SATL1: variants seen among roughly 807,000 people sequenced by gnomAD.
SATL1 encodes spermidine/spermine N1-acetyl transferase like 1, also known as spermidine/spermine N(1)-acetyltransferase-like protein 1.
In SATL1, 47 loss-of-function variants were observed where a neutral mutation model predicts 51.8. The observed-to-expected ratio is 0.91, with a 90% CI of 0.72 to 1.16. The LOEUF (loss-of-function observed/expected upper bound fraction) is 1.16. SATL1 is among the 50% of genes most tolerant of loss of function. The pLI is 0.00. For missense variants in SATL1, 520 were observed against 526.4 expected (o/e 0.99, Z 0.12); for synonymous variants, 176 against 182.4 (o/e 0.97, Z 0.28).
intron 2 of SATL1, among the ~76,000 whole-genome samples, chrX:85,129,777 G>A (rs1925731547): frequency 9.0e-6 from 1 of 111,560 alleles, no homozygotes. Flanking sequence ...GATATTAGCT[G>A]TGCGTTTGGC....
At chrX:85,168,368 T>G (rs1926893551) in intron 2 of SATL1, among the ~76,000 whole-genome samples, 1 of 111,481 alleles carries the variant, frequency 9.0e-6, no homozygotes, top group Admixed American at 9.6e-5. Context: ...TGATCCTATA[T>G]CTATAAAGTT....
chrX:85,094,051 T>C (rs1204245373), intron 6 of SATL1, 77 bp downstream of exon 6: 2 of 531,918 alleles, frequency 3.8e-6, no homozygotes, highest in Non-Finnish European at 6.5e-6. Flanking sequence ...GTATGTATAG[T>C]AAAGCCCTAT....
intron 2 of SATL1, among the ~76,000 whole-genome samples, chrX:85,128,560 T>C (rs1925690129): frequency 8.9e-6 from 1 of 112,350 alleles, no homozygotes; most frequent in Non-Finnish European, 1.9e-5. Flanking sequence ...CTTTGTCAGA[T>C]GAGTAGATTG....
chrX:85,101,702 C>A (rs1924897203), intron 4 of SATL1, among the ~76,000 whole-genome samples: 1 of 111,496 alleles, frequency 9.0e-6, no homozygotes, highest in Admixed American at 9.6e-5. Context: ...ATGAAAGCAG[C>A]AACTCAGACA....
chrX:85,172,268 T>C (rs1357395690), intron 2 of SATL1, among the ~76,000 whole-genome samples: 4 of 111,650 alleles, frequency 3.6e-5, no homozygotes, highest in East Asian at 5.6e-4. Flanking sequence ...TTCATTTACA[T>C]AGACATTTAT....
intron 2 of SATL1, among the ~76,000 whole-genome samples, chrX:85,172,631 C>T (rs1319427055): frequency 2.7e-5 from 3 of 111,040 alleles, no homozygotes; most frequent in Non-Finnish European, 3.8e-5. Context: ...CATATAGGCA[C>T]GTCTTATGCA....
intron 2 of SATL1, among the ~76,000 whole-genome samples, chrX:85,114,957 A>AT (rs1042648981): frequency 5.4e-5 from 6 of 111,697 alleles, no homozygotes; most frequent in Non-Finnish European, 9.4e-5. Context: ...TGAGTAGCCT[A>AT]TTTTTTAAAT....
At chrX:85,179,318 A>G (rs1007295887) in intron 2 of SATL1, among the ~76,000 whole-genome samples, 1 of 111,595 alleles carries the variant, frequency 9.0e-6, no homozygotes, top group Non-Finnish European at 1.9e-5. Flanking sequence ...GTAAAAACCA[A>G]TGAAAATAAT....
At position 85,108,322 on chromosome X, in the gene SATL1, G is replaced by A. The variant is rs768364652; in HGVS notation, c.647C>T (p.Pro216Leu). Residue 216 changes from proline to leucine, a missense_variant, in exon 3 of 8, where the codon CCA (proline) becomes CTA (leucine). This residue lies in a region of SATL1 where 488 missense variants were observed against 474.3 expected (regional missense o/e 1.03). Coordinates refer to ENST00000644105, the MANE Select transcript of SATL1 (RefSeq NM_001367857.2). ...GCTGGGGACTTGCTGGCTCATGCCTGGTTGACTCATGTCTGGGTGGCTTGG... is the reference window on the plus strand; with the variant it reads ...GCTGGGGACTTGCTGGCTCATGCCTAGTTGACTCATGTCTGGGTGGCTTGG... ...QVPSHPDMSQ[P>L]GMSQQVPSQP... is the part of the protein sequence containing the mutation. The A allele has an allele frequency of 2.9e-5, 35 of 1,209,563 alleles. No homozygotes were observed. In the Admixed American group the frequency reaches 6.6e-4, roughly 23 times the overall value.
At chrX:85,157,288 C>CA (rs1300890012) in intron 2 of SATL1, among the ~76,000 whole-genome samples, 4 of 109,957 alleles carry the variant, frequency 3.6e-5, no homozygotes, top group African/African-American at 1.3e-4. Flanking sequence ...TAGTTGAAGT[C>CA]AAAAAAATTA....
At chrX:85,200,784 T>G (rs1169089322) in intron 2 of SATL1, among the ~76,000 whole-genome samples, 1 of 111,209 alleles carries the variant, frequency 9.0e-6, no homozygotes, top group Non-Finnish European at 1.9e-5. Context: ...TTTATTTACA[T>G]TAAAAGTTTT....
At chrX:85,208,250 G>A (rs188143511) in intron 2 of SATL1, among the ~76,000 whole-genome samples, 4 of 111,518 alleles carry the variant, frequency 3.6e-5, no homozygotes, top group Non-Finnish European at 7.5e-5. Flanking sequence ...TTTTATGGCT[G>A]CATAGTATTC....
intron 2 of SATL1, among the ~76,000 whole-genome samples, chrX:85,171,157 C>T (rs1032878281): frequency 9.0e-6 from 1 of 111,001 alleles, no homozygotes; most frequent in Non-Finnish European, 1.9e-5. Flanking sequence ...ATATGAGAAC[C>T]GGCATAAATC....
chrX:85,222,975 T>C (rs1928203699), intron 2 of SATL1, among the ~76,000 whole-genome samples: 1 of 112,229 alleles, frequency 8.9e-6, no homozygotes, highest in Non-Finnish European at 1.9e-5. Context: ...GTAACTTTTC[T>C]TTTAGAATGG....
At chrX:85,101,196 A>G (rs889076114) in intron 4 of SATL1, among the ~76,000 whole-genome samples, 1 of 112,386 alleles carries the variant, frequency 8.9e-6, no homozygotes, top group African/African-American at 3.2e-5. Flanking sequence ...AATAAATTGG[A>G]CTTTATCAAA....
chrX:85,108,984 G>A lies in SATL1; in HGVS notation c.-16C>T, dbSNP rs1425632639. On this transcript the variant is annotated 5_prime_UTR_variant, in exon 3 of 8. Coordinates refer to ENST00000644105, the MANE Select transcript of SATL1 (RefSeq NM_001367857.2). ...ATTGGTTCATGCCCAGTTGATTCCT[G>A]CTTTGTTGACTAAGGATGGGGTGGC... 3 of 1,182,067 alleles carry A rather than the reference G, an allele frequency of 2.5e-6. No individual in the cohort carries two copies. Among genetic ancestry groups the A allele is most frequent in the South Asian group, 1.9e-5 (1 of 53,598 alleles).
chrX:85,226,102 A>C (rs766801495), intron 1 of SATL1, among the ~76,000 whole-genome samples: 1 of 111,128 alleles, frequency 9.0e-6, no homozygotes, highest in East Asian at 2.8e-4. Flanking sequence ...TTCCCCATGC[A>C]ACTCTGCACA....
In SATL1 at chrX:85,095,024, T is replaced by C. The variant is rs770328570; in HGVS notation, c.1694-28A>G. 4 of 866,584 alleles carry C rather than the reference T, an allele frequency of 4.6e-6. No homozygotes were observed. The East Asian group carries it at 1.3e-4, about 28-fold the overall frequency. 71.4% of individuals were successfully genotyped at this position (866,584 alleles called of 1,213,427 possible). On this transcript the variant is annotated intron_variant, in intron 4 of 7. Transcript: ENST00000644105. ...GAAATATCAATTCATATATAGGATGTCAGAAAGTTTATAGCAGAGAGAAGG... is the reference window on the plus strand; with the variant it reads ...GAAATATCAATTCATATATAGGATGCCAGAAAGTTTATAGCAGAGAGAAGG...
At chrX:85,189,485 C>G (rs1011487731) in intron 2 of SATL1, among the ~76,000 whole-genome samples, 1 of 111,885 alleles carries the variant, frequency 8.9e-6, no homozygotes, top group Admixed American at 9.5e-5. Flanking sequence ...TTTGGGCTTC[C>G]CCACAGTTAA....
Sources: allele counts gnomAD v4.1 joint callset (sites outside exome capture counted in the v4.1 genomes callset), GRCh38; gene constraint gnomAD v4.1.1; regional missense constraint gnomAD v4.1.1; transcripts MANE v1.5; gene names NCBI Gene and HGNC (gene_info 2026-07-23, HGNC 2026-07-21).